Variants in OR1J2 observed in about 807,000 individuals in gnomAD.
The protein encoded by OR1J2 is olfactory receptor family 1 subfamily J member 2.
For synonymous variants in OR1J2, 142 were observed against 99.7 expected (o/e 1.42, Z -2.52); for missense variants, 304 against 246.1 (o/e 1.24, Z -1.57).
At chr9:122,549,258 A>G in the OR1J2 span, among the ~76,000 whole-genome samples, 1 of 152,106 alleles carries the variant, frequency 6.6e-6, no homozygotes, top group East Asian at 1.9e-4. Context: ...CTCTTGCCAT[A>G]TGATATGCTG....
At chr9:122,519,425 A>G in the OR1J2 span, 2 of 1,614,206 alleles carry the variant, frequency 1.2e-6, no homozygotes. Context: ...TTCTTTATGC[A>G]GGGTGTGTAA....
chr9:122,547,144 C>T, the OR1J2 span, among the ~76,000 whole-genome samples: 2 of 151,734 alleles, frequency 1.3e-5, no homozygotes, highest in African/African-American at 2.4e-5. Flanking sequence ...TTAAAAAATA[C>T]ATAATGGAAT....
chr9:122,573,462 CATT>C, the OR1J2 span, among the ~76,000 whole-genome samples: 1 of 152,090 alleles, frequency 6.6e-6, no homozygotes, highest in East Asian at 1.9e-4. Flanking sequence ...AGTGGTATGT[CATT>C]GTTGTTTTAA....
chr9:122,470,220 C>G, the OR1J2 span, among the ~76,000 whole-genome samples: 1 of 152,142 alleles, frequency 6.6e-6, no homozygotes, highest in Non-Finnish European at 1.5e-5. Context: ...TGGGCAGGGC[C>G]CAGGGTCCCC....
the OR1J2 span, chr9:122,475,589 G>A: frequency 6.6e-6 from 1 of 152,138 alleles, no homozygotes; most frequent in East Asian, 1.9e-4. Flanking sequence ...ATCCACATTA[G>A]ATTGAGAGGC....
chr9:122,455,481 G>T, the OR1J2 span, among the ~76,000 whole-genome samples: 3 of 152,018 alleles, frequency 2.0e-5, no homozygotes. Context: ...GTGCTTGTTG[G>T]CCATTTACAT....
At chr9:122,530,431 A>T in the OR1J2 span, among the ~76,000 whole-genome samples, 2 of 152,246 alleles carry the variant, frequency 1.3e-5, no homozygotes, top group Non-Finnish European at 2.9e-5. Context: ...CTACAGATAC[A>T]GGGAGTCATG....
At chr9:122,541,480 C>T in the OR1J2 span, among the ~76,000 whole-genome samples, 21,107 of 152,124 alleles carry the variant, frequency 0.14, 1,690 homozygotes, top group East Asian at 0.26. Context: ...CCTATCCCAA[C>T]GGAAGTTGGG....
At chr9:122,480,358 C>CA in the OR1J2 span, among the ~76,000 whole-genome samples, 1 of 152,000 alleles carries the variant, frequency 6.6e-6, no homozygotes, top group Non-Finnish European at 1.5e-5. Context: ...AGTTGGCTAT[C>CA]AATAAAGGAA....
At chr9:122,508,733 A>G (rs1181454623), upstream of OR1J2, among the ~76,000 whole-genome samples, 4 of 152,178 alleles carry the variant, frequency 2.6e-5, no homozygotes, top group Non-Finnish European at 4.4e-5. Flanking sequence ...ATATACCTGA[A>G]GTCTTTCCAG....
At chr9:122,475,109 G>A in the OR1J2 span, 2 of 152,146 alleles carry the variant, frequency 1.3e-5, no homozygotes, top group East Asian at 1.9e-4. Context: ...AGGCAGACAA[G>A]GAGCAGCCTG....
the OR1J2 span, among the ~76,000 whole-genome samples, chr9:122,455,596 A>C: frequency 6.6e-6 from 1 of 152,132 alleles, no homozygotes; most frequent in African/African-American, 2.4e-5. Flanking sequence ...ATTCTGGATA[A>C]GATATCGATA....
chr9:122,534,757 AGAAG>A, the OR1J2 span, among the ~76,000 whole-genome samples: 1 of 152,146 alleles, frequency 6.6e-6, no homozygotes, highest in East Asian at 1.9e-4. Context: ...TGGGAGGGAA[AGAAG>A]GAAGATTTCG....
At chr9:122,449,336 G>A in the OR1J2 span, among the ~76,000 whole-genome samples, 1 of 152,100 alleles carries the variant, frequency 6.6e-6, no homozygotes, top group East Asian at 1.9e-4. Context: ...CATCTTGATG[G>A]TCATGTAGCC....
At chr9:122,576,302 A>G in the OR1J2 span, among the ~76,000 whole-genome samples, 1 of 151,712 alleles carries the variant, frequency 6.6e-6, no homozygotes, top group African/African-American at 2.4e-5. Flanking sequence ...GCCCACTGCA[A>G]CCTCCGCCTC....
chr9:122,576,341 C>T, the OR1J2 span, among the ~76,000 whole-genome samples: 2 of 152,004 alleles, frequency 1.3e-5, no homozygotes, highest in African/African-American at 4.8e-5. Flanking sequence ...CCTGGCTCAG[C>T]CTCCCAAGTA....
At chr9:122,462,235 C>T in the OR1J2 span, among the ~76,000 whole-genome samples, 1 of 152,102 alleles carries the variant, frequency 6.6e-6, no homozygotes, top group Non-Finnish European at 1.5e-5. Context: ...AAAATAACTA[C>T]TCTTGCTTGC....
upstream of OR1J2, among the ~76,000 whole-genome samples, chr9:122,506,130 T>G (rs145597661): frequency 6.0e-3 from 914 of 152,296 alleles, 9 homozygotes; most frequent in African/African-American, 0.021. Flanking sequence ...AGCAGTCATA[T>G]GGATTTCTTC....
At chr9:122,533,636 A>T in the OR1J2 span, among the ~76,000 whole-genome samples, 1 of 152,110 alleles carries the variant, frequency 6.6e-6, no homozygotes. Flanking sequence ...AGGTGGGGAT[A>T]ATTAAAAAAG....
Sources: gnomAD v4.1 joint callset for allele counts (sites outside exome capture counted in the v4.1 genomes callset) on GRCh38, gnomAD v4.1.1 for gene constraint, MANE v1.5 for transcripts, NCBI Gene and HGNC (gene_info 2026-07-23, HGNC 2026-07-21) for gene names.